The following EPHA5 variants were observed in gnomAD, a reference collection of about 807,000 sequenced individuals.
EPHA5 encodes EPH receptor A5.
A neutral mutation model predicts 105.0 loss-of-function variants in EPHA5; 60 were observed. The observed-to-expected ratio is 0.57, with a 90% CI of 0.46 to 0.71. The LOEUF is 0.71. EPHA5 is among the 30% of genes least tolerant of loss of function. EPHA5 has a pLI of 0.00. For synonymous variants in EPHA5, 513 were observed against 449.1 expected (o/e 1.14, Z -1.80); for missense variants, 1,218 against 1,274.7 (o/e 0.96, Z 0.68).
intron 6 of EPHA5, among the ~76,000 whole-genome samples, chr4:65,416,864 T>C (rs1723432754): frequency 6.6e-6 from 1 of 152,234 alleles, no homozygotes; most frequent in African/African-American, 2.4e-5. Context: ...AAAATTTAAT[T>C]ATGTTTCATT....
chr4:65,494,249 A>G (rs1731702255), intron 4 of EPHA5, among the ~76,000 whole-genome samples: 3 of 152,346 alleles, frequency 2.0e-5, no homozygotes, highest in Admixed American at 6.5e-5. Flanking sequence ...CACTGACACT[A>G]TGAAATTTAG....
At chr4:65,352,127 C>T (rs1344844301) in intron 12 of EPHA5, among the ~76,000 whole-genome samples, 3 of 152,056 alleles carry the variant, frequency 2.0e-5, no homozygotes, top group Admixed American at 6.6e-5. Context: ...GTTACATTAA[C>T]TCATAAGGCT....
intron 8 of EPHA5, among the ~76,000 whole-genome samples, chr4:65,396,338 G>T (rs1350065222): frequency 1.3e-5 from 2 of 152,162 alleles, no homozygotes; most frequent in Non-Finnish European, 2.9e-5. Context: ...CAGATGACCT[G>T]ACAGTTATAT....
intron 3 of EPHA5, among the ~76,000 whole-genome samples, chr4:65,583,543 AAAC>A (rs1460964836): frequency 2.6e-5 from 4 of 151,782 alleles, no homozygotes; most frequent in Admixed American, 6.6e-5. Context: ...GTTACAAGAA[AAAC>A]AACAATTTGT....
Position 65,573,366 on chromosome 4 carries a change from G to C in EPHA5, c.910+28275C>G. 2.0e-5 allele frequency: 14 copies of C among 690,516 alleles called. No homozygotes were observed. The South Asian group carries it at 2.9e-4, about 15-fold the overall frequency. 42.8% of individuals were successfully genotyped at this position (690,516 alleles called of 1,614,324 possible). A position where few individuals can be genotyped will look rare whatever the true frequency, so the allele number is the denominator to read the frequency against. On this transcript the variant is annotated intron_variant, in intron 3 of 16. Coordinates refer to ENST00000613740, the MANE Select transcript of EPHA5 (RefSeq NM_001281766.3). ...GCAGAGCTTGCAATGAGCTGAGATT[G>C]CGCCACTGCACTCCAGCCTGGGTGA...
chr4:65,510,031 C>CTT (rs11300558), intron 3 of EPHA5, among the ~76,000 whole-genome samples: 14 of 119,412 alleles, frequency 1.2e-4, no homozygotes, highest in East Asian at 2.4e-4. Flanking sequence ...ATACATACTT[C>CTT]TTTTTTTTTT....
intron 2 of EPHA5, among the ~76,000 whole-genome samples, chr4:65,612,573 T>G (rs1038763019): frequency 4.6e-5 from 7 of 152,226 alleles, no homozygotes; most frequent in Non-Finnish European, 1.0e-4. Flanking sequence ...AATCATCCTT[T>G]GATGAACACT....
At chr4:65,436,135 G>A (rs76477774) in intron 5 of EPHA5, among the ~76,000 whole-genome samples, 2,535 of 151,980 alleles carry the variant, frequency 0.017, 40 homozygotes, top group Non-Finnish European at 0.028. Flanking sequence ...TGCTTAATTT[G>A]ACTTATATTT....
chr4:65,442,408 T>A (rs1446537517), intron 5 of EPHA5, among the ~76,000 whole-genome samples: 1 of 152,178 alleles, frequency 6.6e-6, no homozygotes, highest in Non-Finnish European at 1.5e-5. Context: ...GACAGCACAT[T>A]GACCTTGAAC....
At chr4:65,634,881 T>C (rs1332724241) in intron 2 of EPHA5, among the ~76,000 whole-genome samples, 2 of 152,056 alleles carry the variant, frequency 1.3e-5, no homozygotes, top group African/African-American at 2.4e-5. Flanking sequence ...CAAAACTCAC[T>C]GTGATCCTCA....
chr4:65,345,930 G>C (rs1450290713), intron 14 of EPHA5, among the ~76,000 whole-genome samples: 2 of 151,700 alleles, frequency 1.3e-5, no homozygotes, highest in African/African-American at 2.4e-5. Flanking sequence ...CCGCCACCAC[G>C]CCCGGCTAAT....
chr4:65,565,395 T>C lies in EPHA5; in HGVS notation c.910+36246A>G, dbSNP rs533542712. ...TATTTCATTTTGAAACTTCTACCCT[T>C]ACATGCGAAAGGGACTCACAAACAT... On this transcript the variant is annotated intron_variant, in intron 3 of 16. Coordinates refer to ENST00000613740, the MANE Select transcript of EPHA5 (RefSeq NM_001281766.3). 2.0e-5 allele frequency among the ~76,000 whole-genome samples: 3 copies of C among 151,870 alleles called. No homozygotes were observed. The South Asian group carries it at 6.2e-4, about 31-fold the overall frequency.
intron 11 of EPHA5, among the ~76,000 whole-genome samples, chr4:65,354,516 A>G (rs1723117206): frequency 6.6e-6 from 1 of 151,774 alleles, no homozygotes; most frequent in African/African-American, 2.4e-5. Flanking sequence ...TTAAGAAAAC[A>G]GAGACCTATG....
intron 8 of EPHA5, among the ~76,000 whole-genome samples, chr4:65,387,968 T>TCCCCCCC (rs1453736497): frequency 1.2e-4 from 3 of 24,646 alleles, no homozygotes; most frequent in African/African-American, 3.6e-4. Flanking sequence ...CCCTCCCCCC[T>TCCCCCCC]CCCCCCACCC....
At chr4:65,651,515 A>G (rs1345441010) in intron 1 of EPHA5, among the ~76,000 whole-genome samples, 1 of 152,162 alleles carries the variant, frequency 6.6e-6, no homozygotes, top group Admixed American at 6.5e-5. Context: ...ACATTTAAAA[A>G]CTAGTCACTT....
chr4:65,634,169 T>C (rs995783271), intron 2 of EPHA5, among the ~76,000 whole-genome samples: 1 of 152,084 alleles, frequency 6.6e-6, no homozygotes, highest in African/African-American at 2.4e-5. Flanking sequence ...TAAAGGCCAT[T>C]TTCCAATTTA....
At chr4:65,512,936 A>G (rs1404006552) in intron 3 of EPHA5, among the ~76,000 whole-genome samples, 1 of 151,876 alleles carries the variant, frequency 6.6e-6, no homozygotes, top group Non-Finnish European at 1.5e-5. Flanking sequence ...AAAAAAAAAC[A>G]CTTTTAAAAG....
intron 3 of EPHA5, among the ~76,000 whole-genome samples, chr4:65,579,363 TATATATATATATAA>T (rs1361374230): frequency 1.4e-5 from 2 of 146,794 alleles, no homozygotes; most frequent in Admixed American, 6.9e-5. Flanking sequence ...TGTGTGTATA[TATATATATATATAA>T]ATATATATAT....
At chr4:65,477,653 C>A in intron 5 of EPHA5, among the ~76,000 whole-genome samples, 1 of 151,990 alleles carries the variant, frequency 6.6e-6, no homozygotes, top group South Asian at 2.1e-4. Context: ...ACCTCATGAT[C>A]ACCCCTGCCT....
Sources: allele counts gnomAD v4.1 joint callset (sites outside exome capture counted in the v4.1 genomes callset), GRCh38; gene constraint gnomAD v4.1.1; transcripts MANE v1.5; gene names NCBI Gene and HGNC (gene_info 2026-07-23, HGNC 2026-07-21).